The following BABAM2 variants were observed in gnomAD, a reference collection of about 807,000 sequenced individuals.
BABAM2 encodes the protein BRISC and BRCA1-A complex member 2.
In BABAM2, 31 loss-of-function variants were observed where a neutral mutation model predicts 54.7. The observed-to-expected ratio is 0.57, with a 90% confidence interval of 0.43 to 0.77. BABAM2 has a LOEUF of 0.77. Among genes scored for constraint, BABAM2 ranks in the 30% least tolerant of loss-of-function variants. The pLI is 0.00. For missense variants in BABAM2, 364 were observed against 455.8 expected (o/e 0.80, Z 1.83); for synonymous variants, 167 against 162.9 (o/e 1.03, Z -0.19).
At chr2:28,072,510 C>T (rs1664247726) in intron 6 of BABAM2, among the ~76,000 whole-genome samples, 1 of 152,060 alleles carries the variant, frequency 6.6e-6, no homozygotes, top group Admixed American at 6.6e-5. Flanking sequence ...CTCAGCCTCC[C>T]AAGTAGCTGG....
intron 6 of BABAM2, among the ~76,000 whole-genome samples, chr2:28,084,014 C>A (rs993949257): frequency 5.3e-5 from 8 of 152,092 alleles, no homozygotes; most frequent in African/African-American, 1.9e-4. Flanking sequence ...ATTTGGTTAC[C>A]TTAAAGGTGT....
At chr2:27,982,705 C>T (rs1032994535) in intron 3 of BABAM2, among the ~76,000 whole-genome samples, 1 of 151,608 alleles carries the variant, frequency 6.6e-6, no homozygotes, top group Middle Eastern at 3.4e-3. Context: ...CACACTACTT[C>T]AGGTGTTTCG....
At chr2:27,890,427 C>A, upstream of BABAM2, 1 of 1,376,460 alleles carries the variant, frequency 7.3e-7, no homozygotes. The surrounding 1 kb of genome is among the most constrained non-coding windows in gnomAD (Gnocchi z 4.8). Flanking sequence ...CACTCCTGCC[C>A]TCCCTAACGA....
At chr2:27,902,343 G>A (rs1298310050) in intron 2 of BABAM2, among the ~76,000 whole-genome samples, 1 of 152,148 alleles carries the variant, frequency 6.6e-6, no homozygotes, top group Non-Finnish European at 1.5e-5. Context: ...GGTTAAATAA[G>A]TAAGTATGTG....
chr2:27,950,416 G>T (rs916376872), intron 3 of BABAM2, among the ~76,000 whole-genome samples: 13 of 152,006 alleles, frequency 8.6e-5, no homozygotes, highest in Admixed American at 8.5e-4. Flanking sequence ...TGATCATGTG[G>T]TTTTTCTCTT....
At chr2:28,070,867 T>C (rs1022310025) in intron 6 of BABAM2, among the ~76,000 whole-genome samples, 4 of 152,292 alleles carry the variant, frequency 2.6e-5, no homozygotes, top group African/African-American at 7.2e-5. Flanking sequence ...TTGTGCACTT[T>C]AGTTTTTATA....
At chr2:27,892,155 GAT>G (rs1664912401) in intron 1 of BABAM2, among the ~76,000 whole-genome samples, 1 of 152,216 alleles carries the variant, frequency 6.6e-6, no homozygotes, top group Non-Finnish European at 1.5e-5. Flanking sequence ...TTTGGATTCT[GAT>G]CCTCCAGCTT....
intron 6 of BABAM2, among the ~76,000 whole-genome samples, chr2:28,101,454 C>A (rs147263787): frequency 1.3e-4 from 20 of 152,254 alleles, no homozygotes; most frequent in African/African-American, 4.6e-4. Context: ...ATTCTTGTCA[C>A]TGAGATGATG....
At position 27,930,036 on chromosome 2, in the gene BABAM2, C is replaced by G. The variant is rs566529081; in HGVS notation, c.205+128C>G. On this transcript the variant is annotated intron_variant, in intron 3 of 11. Coordinates refer to ENST00000379624, the MANE Select transcript of BABAM2 (RefSeq NM_199191.3). The stretch of plus-strand genomic sequence containing the variant: ...AGATATTGTTCACTAGCATTTACCA[C>G]TTTTCTTATCTGCCATTCAATTCTA... 8 of 764,684 alleles carry G rather than the reference C, an allele frequency of 1.0e-5. 1 individual carries two copies. The South Asian group carries it at 1.5e-4, about 14-fold the overall frequency. The allele number at this position is 764,684 out of a possible 1,614,324, so 47.4% of individuals were successfully genotyped here.
chr2:28,260,891 A>T (rs892247591), intron 10 of BABAM2, among the ~76,000 whole-genome samples: 4 of 149,528 alleles, frequency 2.7e-5, no homozygotes, highest in Non-Finnish European at 5.9e-5. Context: ...ATTTCTAAGT[A>T]TATTTTTAAG....
At chr2:28,176,642 T>TG (rs1164736947) in intron 7 of BABAM2, among the ~76,000 whole-genome samples, 1 of 128,270 alleles carries the variant, frequency 7.8e-6, no homozygotes, top group African/African-American at 2.9e-5. Context: ...ACAAAGAAAT[T>TG]GGAAAAACAA....
intron 7 of BABAM2, among the ~76,000 whole-genome samples, chr2:28,227,408 C>T (rs1357994864): frequency 6.6e-6 from 1 of 152,098 alleles, no homozygotes; most frequent in Admixed American, 6.5e-5. Flanking sequence ...AACCTGGCCT[C>T]GGATCCATTG....
chr2:28,326,884 C>T (rs2148323648), intron 11 of BABAM2, among the ~76,000 whole-genome samples: 1 of 151,894 alleles, frequency 6.6e-6, no homozygotes. Context: ...CTCCCCTTCC[C>T]CTTCCTTGTA....
chr2:28,074,774 A>C (rs996081582), intron 6 of BABAM2, among the ~76,000 whole-genome samples: 19 of 152,136 alleles, frequency 1.2e-4, no homozygotes, highest in African/African-American at 4.1e-4. Flanking sequence ...GACCAGGACC[A>C]GTGGAGGGTG....
chr2:27,888,903 C>T (rs1257882385), upstream of BABAM2, among the ~76,000 whole-genome samples: 6 of 152,256 alleles, frequency 3.9e-5, no homozygotes, highest in African/African-American at 1.4e-4. Flanking sequence ...GTACAGGCCT[C>T]TTCAACAAAT....
intron 6 of BABAM2, among the ~76,000 whole-genome samples, chr2:28,060,677 A>G (rs908969131): frequency 1.3e-5 from 2 of 152,182 alleles, no homozygotes; most frequent in African/African-American, 4.8e-5. Context: ...AATCAATTAT[A>G]TTTCTATAGG....
rs571767842 is a variant in BABAM2, at chr2:28,285,863, C to T, written c.935-12475C>T. On this transcript the variant is annotated intron_variant, in intron 10 of 11. Coordinates refer to ENST00000379624, the MANE Select transcript of BABAM2 (RefSeq NM_199191.3). ...GGATTACAGGCATGAGCCACCACACCGGCTGATAAGTCTTAAGAGATGTTT... is the reference window on the plus strand; with the variant it reads ...GGATTACAGGCATGAGCCACCACACTGGCTGATAAGTCTTAAGAGATGTTT... Among the ~76,000 whole-genome samples, 36 of 152,136 alleles carry T rather than the reference C, an allele frequency of 2.4e-4. No individual in the cohort carries two copies. In the South Asian group the frequency reaches 3.3e-3, roughly 14 times the overall value.
intron 7 of BABAM2, among the ~76,000 whole-genome samples, chr2:28,144,066 C>T (rs567839292): frequency 1.2e-4 from 19 of 152,234 alleles, no homozygotes; most frequent in Non-Finnish European, 2.6e-4. Flanking sequence ...GTGTGAACTA[C>T]TGGACGTTAC....
At chr2:28,186,440 C>G (rs1464868305) in intron 7 of BABAM2, among the ~76,000 whole-genome samples, 1 of 151,902 alleles carries the variant, frequency 6.6e-6, no homozygotes, top group African/African-American at 2.4e-5. Context: ...AGGGTATCAC[C>G]CACATGGAGA....
Sources: gnomAD v4.1 joint callset for allele counts (sites outside exome capture counted in the v4.1 genomes callset) on GRCh38, gnomAD v4.1.1 for gene constraint, Gnocchi (gnomAD v3.1) non-coding constraint, MANE v1.5 for transcripts, NCBI Gene and HGNC (gene_info 2026-07-23, HGNC 2026-07-21) for gene names.